The following IL1RAPL2 variants were observed in gnomAD, a reference collection of about 807,000 sequenced individuals.
IL1RAPL2 encodes the protein X-linked interleukin-1 receptor accessory protein-like 2.
In IL1RAPL2, 3 loss-of-function variants were observed where a neutral mutation model predicts 44.1. That is an observed-to-expected ratio of 0.07 (90% CI 0.03 to 0.18). The LOEUF (loss-of-function observed/expected upper bound fraction) is 0.18. IL1RAPL2 is among the 10% of genes least tolerant of loss of function. The probability of loss-of-function intolerance (pLI) is 1.00; values close to 1 mark genes in which losing one functional copy is unlikely to be tolerated. For missense variants in IL1RAPL2, 391 were observed against 496.4 expected (o/e 0.79, Z 2.02); for synonymous variants, 181 against 178.8 (o/e 1.01, Z -0.10).
chrX:105,179,276 CT>C (rs1418090821), intron 2 of IL1RAPL2, among the ~76,000 whole-genome samples: 2 of 112,165 alleles, frequency 1.8e-5, no homozygotes, highest in Non-Finnish European at 3.8e-5. Context: ...TTCCTGTTGG[CT>C]TTGTCAAAGA....
intron 2 of IL1RAPL2, among the ~76,000 whole-genome samples, chrX:104,837,071 T>A (rs186621549): frequency 7.1e-5 from 8 of 112,044 alleles, no homozygotes; most frequent in African/African-American, 2.6e-4. Context: ...TTCTTTTTTA[T>A]GGGTGCATAG....
chrX:104,920,009 A>G (rs1662525289), intron 2 of IL1RAPL2, among the ~76,000 whole-genome samples: 2 of 111,562 alleles, frequency 1.8e-5, no homozygotes, highest in Admixed American at 1.9e-4. Context: ...GGACTGGCTC[A>G]GCACCCTTGT....
intron 2 of IL1RAPL2, among the ~76,000 whole-genome samples, chrX:104,888,817 A>T (rs1923334364): frequency 8.9e-6 from 1 of 111,767 alleles, no homozygotes; most frequent in Non-Finnish European, 1.9e-5. Context: ...CATTAGCCAA[A>T]TTCCCCATTT....
At chrX:105,120,021 G>C (rs1425177621) in intron 2 of IL1RAPL2, among the ~76,000 whole-genome samples, 2 of 109,334 alleles carry the variant, frequency 1.8e-5, no homozygotes, top group African/African-American at 6.7e-5. Context: ...TAGGCACAAA[G>C]AAGTGACTTA....
chrX:105,425,452 C>A, intron 5 of IL1RAPL2, among the ~76,000 whole-genome samples: 1 of 102,143 alleles, frequency 9.8e-6, no homozygotes, highest in African/African-American at 3.6e-5. Flanking sequence ...CCCACCCCCA[C>A]CTCAGGAATT....
chrX:105,491,354 G>A (rs189455028), intron 6 of IL1RAPL2, among the ~76,000 whole-genome samples: 1 of 111,542 alleles, frequency 9.0e-6, no homozygotes, highest in Admixed American at 9.5e-5. Context: ...AGTAATACAT[G>A]GTTATTTCAT....
intron 4 of IL1RAPL2, among the ~76,000 whole-genome samples, 180 bp from the exon 5 acceptor site, chrX:105,267,208 T>C (rs185524649): frequency 8.9e-6 from 1 of 111,966 alleles, no homozygotes; most frequent in African/African-American, 3.2e-5. Flanking sequence ...GTTGTGATAT[T>C]AGAATTGGAT....
At chrX:104,894,821 G>T (rs926050742) in intron 2 of IL1RAPL2, among the ~76,000 whole-genome samples, 1 of 112,247 alleles carries the variant, frequency 8.9e-6, no homozygotes, top group Admixed American at 9.4e-5. Flanking sequence ...TTGTTCCATT[G>T]CTGGCAAGGA....
intron 5 of IL1RAPL2, among the ~76,000 whole-genome samples, chrX:105,408,148 C>CA (rs888402959): frequency 2.7e-5 from 3 of 111,935 alleles, no homozygotes; most frequent in African/African-American, 9.7e-5. Context: ...TTATAGCCAC[C>CA]AAAAAACAGA....
chrX:105,583,367 C>G (rs759746017), intron 6 of IL1RAPL2, among the ~76,000 whole-genome samples: 4 of 110,999 alleles, frequency 3.6e-5, no homozygotes, highest in African/African-American at 6.5e-5. Flanking sequence ...ATCTCCTCAC[C>G]TCGTGATCCC....
At chrX:105,067,539 C>T (rs2032152987) in intron 2 of IL1RAPL2, among the ~76,000 whole-genome samples, 1 of 111,526 alleles carries the variant, frequency 9.0e-6, no homozygotes, top group Admixed American at 9.6e-5. Flanking sequence ...TCATTTAATT[C>T]TCATACCAAC....
chrX:105,375,497 C>T (rs975882728), intron 5 of IL1RAPL2, among the ~76,000 whole-genome samples: 20 of 111,557 alleles, frequency 1.8e-4, no homozygotes, highest in South Asian at 3.8e-4. Context: ...GGCGACAGAG[C>T]GAGACCTGTC....
chrX:105,496,977 T>C (rs1423232424), intron 6 of IL1RAPL2, among the ~76,000 whole-genome samples: 1 of 111,661 alleles, frequency 9.0e-6, no homozygotes, highest in Non-Finnish European at 1.9e-5. Flanking sequence ...TGCTTGCATT[T>C]ACTTTTTGGT....
At chrX:104,884,795 G>A (rs971702830) in intron 2 of IL1RAPL2, among the ~76,000 whole-genome samples, 4 of 111,373 alleles carry the variant, frequency 3.6e-5, no homozygotes, top group African/African-American at 1.3e-4. Context: ...CCCACAGGAG[G>A]ACATCTCAGC....
In IL1RAPL2 at chrX:104,968,979, C is replaced by CTGTGTGTGTGTGTG. The variant is rs35842489; in HGVS notation, c.83-226464_83-226451dup. Among the ~76,000 whole-genome samples the CTGTGTGTGTGTGTG allele has an allele frequency of 6.6e-3, 543 of 82,037 alleles. 9 individuals are homozygous for CTGTGTGTGTGTGTG. The highest frequency in any genetic ancestry group is 0.022 in the African/African-American group (473 of 21,893). The allele number at this position is 82,037 out of a possible 115,157, so 71.2% of individuals were successfully genotyped here. The stretch of plus-strand genomic sequence containing the variant: ...ACAGGGTTTTGTTTTTTGCCTTTTG[C>CTGTGTGTGTGTGTG]TGTGTGTGTGTGTGTGTGTGTGTGT... On this transcript the variant is annotated intron_variant, in intron 2 of 10. Transcript: ENST00000372582.
At chrX:105,033,416 C>T (rs2031553017) in intron 2 of IL1RAPL2, among the ~76,000 whole-genome samples, 1 of 111,177 alleles carries the variant, frequency 9.0e-6, no homozygotes, top group Non-Finnish European at 1.9e-5. Flanking sequence ...TAGGGCAGGC[C>T]TGGTGGTGAC....
intron 6 of IL1RAPL2, among the ~76,000 whole-genome samples, chrX:105,683,792 C>G (rs915537229): frequency 8.9e-6 from 1 of 112,236 alleles, no homozygotes; most frequent in Admixed American, 9.4e-5. Flanking sequence ...GCAGTGCATC[C>G]TTGCAATCTA....
chrX:104,626,441 G>T, intron 1 of IL1RAPL2, among the ~76,000 whole-genome samples: 1 of 109,755 alleles, frequency 9.1e-6, no homozygotes, highest in Non-Finnish European at 1.9e-5. Flanking sequence ...ACAGTCCTTT[G>T]GTAGCCCCAA....
At chrX:105,107,864 T>C (rs1219868093) in intron 2 of IL1RAPL2, among the ~76,000 whole-genome samples, 1 of 111,772 alleles carries the variant, frequency 8.9e-6, no homozygotes. Flanking sequence ...TGATTTTATG[T>C]GACTGTTTAG....
Sources: allele counts gnomAD v4.1 joint callset (sites outside exome capture counted in the v4.1 genomes callset), GRCh38; gene constraint gnomAD v4.1.1; transcripts MANE v1.5; gene names NCBI Gene and HGNC (gene_info 2026-07-23, HGNC 2026-07-21).